The following ASH2L variants were observed in gnomAD, a reference collection of about 807,000 sequenced individuals.
The protein encoded by ASH2L is set1/Ash2 histone methyltransferase complex subunit ASH2.
ASH2L carries 30 observed loss-of-function variants against 81.1 expected under a neutral mutation model. That is an observed-to-expected ratio of 0.37 (90% CI 0.28 to 0.50). The LOEUF (loss-of-function observed/expected upper bound fraction) is 0.50. Ranked by LOEUF, ASH2L falls within the 20% of genes least tolerant of loss-of-function variation. The pLI, the probability that ASH2L is intolerant of heterozygous loss-of-function variation, is 0.95. For synonymous variants in ASH2L, 273 were observed against 279.9 expected (o/e 0.98, Z 0.24); for missense variants, 559 against 792.1 (o/e 0.71, Z 3.53).
intron 7 of ASH2L, among the ~76,000 whole-genome samples, chr8:38,115,979 C>G (rs1810876187): frequency 1.3e-5 from 2 of 152,182 alleles, no homozygotes; most frequent in African/African-American, 2.4e-5. Flanking sequence ...GTAATCCCAG[C>G]ACTTTGGGAG....
rs568302423 is a variant in ASH2L, at chr8:38,105,666, C to G, written c.116C>G (p.Ala39Gly). Residue 39 changes from alanine to glycine, a missense_variant, in exon 1 of 16, where the codon GCA (alanine) becomes GGA (glycine). This residue lies in a region of ASH2L where 145 missense variants were observed against 115.5 expected (regional missense o/e 1.26). Coordinates refer to ENST00000343823, the MANE Select transcript of ASH2L (RefSeq NM_004674.5). ...GAGATGAAGCCGGTGGCAGCGGGAG[C>G]AGCCGCTCCTCCTGGAGAGGGGATC... is the stretch of plus-strand genomic sequence containing the variant. ...EGEMKPVAAG[A>G]AAPPGEGISA... 1 of 1,591,044 alleles carries G rather than the reference C, an allele frequency of 6.3e-7. No homozygotes were observed. Among genetic ancestry groups the G allele is most frequent in the East Asian group, 2.3e-5 (1 of 44,066 alleles).
At position 38,106,390 on chromosome 8, in the gene ASH2L, G is replaced by A; in HGVS notation, c.201G>A (p.Leu67=). The change falls in exon 2 of 16, where the codon TTG becomes TTA. Residue 67 remains leucine (L), a synonymous_variant. Transcript: ENST00000343823. The part of the protein sequence containing the change: ...SGEAEGGEAN[L]VDVSGGLETE... ...CATTATCTTATAGGGAGGCAAACTT[G>A]GTCGATGTAAGCGGTGGCTTGGAGA... 1.2e-6 allele frequency: 2 copies of A among 1,614,066 alleles called. No homozygotes were observed. Among genetic ancestry groups the A allele is most frequent in the Non-Finnish European group, 1.7e-6 (2 of 1,179,966 alleles).
chr8:38,110,954 A>C (rs953486920), intron 5 of ASH2L, 121 bp downstream of exon 5: 26 of 806,968 alleles, frequency 3.2e-5, no homozygotes, highest in Non-Finnish European at 5.2e-5. Flanking sequence ...GGATTCAGTG[A>C]TTACCTTGTT....
rs1405684056 is a variant in ASH2L, at chr8:38,120,961, C to G, written c.977C>G (p.Pro326Arg). The G allele has an allele frequency of 6.2e-7, 1 of 1,613,162 alleles. No homozygotes were observed. Among genetic ancestry groups the G allele is most frequent in the Non-Finnish European group, 8.5e-7 (1 of 1,179,866 alleles). ...CCTTTGTTTTCTGCTCAGCGCCTTCCCCCTCATGGCTACCCATTGGAACAC... is the reference window on the plus strand; with the variant it reads ...CCTTTGTTTTCTGCTCAGCGCCTTCGCCCTCATGGCTACCCATTGGAACAC... ...SDPLFSAQRL[P>R]PHGYPLEHPF... The change falls in exon 10 of 16, where the codon CCC becomes CGC. Residue 326 changes from proline (P) to arginine (R), a missense_variant. Transcript: ENST00000343823.
Position 38,116,984 on chromosome 8 carries a change from C to G in ASH2L, c.853+259C>G, listed in dbSNP as rs192529343. Among the ~76,000 whole-genome samples, 40 of 152,310 alleles carry G rather than the reference C, an allele frequency of 2.6e-4. No homozygotes were observed. The East Asian group carries it at 2.9e-3, about 11-fold the overall frequency. ...AGGAACCATTTCAAGGTCAGATTTG[C>G]TGTGTTTATATCTGTATCCTTATAA... On this transcript the variant is annotated intron_variant, in intron 8 of 15. Transcript: ENST00000343823.
chr8:38,107,752 G>A (rs1810505215), intron 3 of ASH2L, among the ~76,000 whole-genome samples: 1 of 151,984 alleles, frequency 6.6e-6, no homozygotes, highest in African/African-American at 2.4e-5. Context: ...CTCGCTCTCT[G>A]TAATGTTCTT....
rs755037193 is a variant in ASH2L, at chr8:38,110,386, C to G, written c.409C>G (p.Leu137Val). ...AATTTGGCTCTTCGGCAGATCCTGT[C>G]TACCTTTCATGACCAACTACAGTTT... is the stretch of plus-strand genomic sequence containing the variant. ...DTFGIDTSSC[L>V]PFMTNYSFHC... Residue 137 changes from leucine to valine, a missense_variant, in exon 4 of 16, where the codon CTA becomes GTA. Leu to Val is a conservative substitution (Grantham distance 32, BLOSUM62 1). Around this residue, in one of 4 missense-constraint regions of ASH2L, gnomAD observed 318 missense variants for 527.0 expected, o/e 0.60. Coordinates refer to ENST00000343823, the MANE Select transcript of ASH2L (RefSeq NM_004674.5). The G allele has an allele frequency of 1.2e-6, 2 of 1,613,924 alleles. No homozygotes were observed. The highest frequency in any genetic ancestry group is 2.2e-5 in the East Asian group (1 of 44,886).
intron 12 of ASH2L, among the ~76,000 whole-genome samples, chr8:38,132,868 G>T (rs2300073): frequency 0.03 from 4,623 of 151,642 alleles, 253 homozygotes; most frequent in East Asian, 0.23. Flanking sequence ...AGGCCAAGGC[G>T]GGTGGATCAC....
chr8:38,108,113 T>C (rs1810532676), intron 3 of ASH2L, among the ~76,000 whole-genome samples: 1 of 152,100 alleles, frequency 6.6e-6, no homozygotes, highest in Non-Finnish European at 1.5e-5. Flanking sequence ...CTTTATAATC[T>C]GTTGTATACT....
At chr8:38,136,142 C>T (rs1298163644) in intron 14 of ASH2L, among the ~76,000 whole-genome samples, 1 of 120,296 alleles carries the variant, frequency 8.3e-6, no homozygotes, top group East Asian at 2.5e-4. Context: ...GACAGTGTCT[C>T]ACTCTGTTGC....
intron 4 of ASH2L, 41 bp from the exon 5 acceptor site, chr8:38,110,695 TGTA>T (rs1810646151): frequency 1.4e-6 from 2 of 1,463,988 alleles, no homozygotes; most frequent in African/African-American, 1.4e-5. Flanking sequence ...GTAGTAGAGA[TGTA>T]GTACTACAGA....
chr8:38,111,700 T>C (rs942845139), intron 5 of ASH2L, among the ~76,000 whole-genome samples: 1 of 152,214 alleles, frequency 6.6e-6, no homozygotes, highest in African/African-American at 2.4e-5. Flanking sequence ...TCTTCTTAGA[T>C]TTAACAGTTA....
At chr8:38,118,988 A>G (rs1811024412) in intron 8 of ASH2L, 1 of 299,498 alleles carries the variant, frequency 3.3e-6, no homozygotes, top group Non-Finnish European at 6.2e-6. Context: ...GAGAAAGTAT[A>G]CCAATAGTTG....
intron 8 of ASH2L, 36 bp downstream of exon 8, chr8:38,116,761 G>T (rs749893249): frequency 2.6e-6 from 4 of 1,548,604 alleles, no homozygotes; most frequent in Non-Finnish European, 2.7e-6. Context: ...GAAATATTTG[G>T]AAGCTATTGA....
chr8:38,124,819 A>G (rs1371650229), intron 10 of ASH2L, among the ~76,000 whole-genome samples: 2 of 152,208 alleles, frequency 1.3e-5, no homozygotes, highest in Non-Finnish European at 2.9e-5. Context: ...TGTTGCTACT[A>G]AGGAGGACTT....
chr8:38,110,337 G>T, intron 3 of ASH2L, 42 bp from the exon 4 acceptor site: 2 of 1,441,928 alleles, frequency 1.4e-6, no homozygotes, highest in Non-Finnish European at 9.8e-7. Context: ...AAGTGTGTGT[G>T]TTCACAAGTT....
At chr8:38,130,446 T>G (rs1802012964) in intron 12 of ASH2L, among the ~76,000 whole-genome samples, 1 of 151,864 alleles carries the variant, frequency 6.6e-6, no homozygotes, top group Non-Finnish European at 1.5e-5. Context: ...TTATGAAGTC[T>G]GATTTATCAA....
chr8:38,111,992 G>T (rs1810701131), intron 5 of ASH2L, among the ~76,000 whole-genome samples: 1 of 152,086 alleles, frequency 6.6e-6, no homozygotes, highest in African/African-American at 2.4e-5. Context: ...TGACTGTTTT[G>T]TCTCTAATCT....
chr8:38,111,461 C>T (rs898525629), intron 5 of ASH2L, among the ~76,000 whole-genome samples: 1 of 151,772 alleles, frequency 6.6e-6, no homozygotes, highest in Non-Finnish European at 1.5e-5. Flanking sequence ...CATCACGGCT[C>T]ACCGAAGACT....
Sources: gnomAD v4.1 joint callset for allele counts (sites outside exome capture counted in the v4.1 genomes callset) on GRCh38, gnomAD v4.1.1 for gene constraint, gnomAD v4.1.1 regional missense constraint, MANE v1.5 for transcripts, NCBI Gene and HGNC (gene_info 2026-07-23, HGNC 2026-07-21) for gene names.